Variants in JAK1 observed in about 807,000 individuals in gnomAD.
JAK1 encodes the protein Janus kinase 1.
Under a neutral mutation model 136.6 loss-of-function variants are expected in JAK1, and 16 were observed. That is an observed-to-expected ratio of 0.12 (90% confidence interval 0.08 to 0.18). The LOEUF is 0.18. Ranked by LOEUF, JAK1 falls within the 10% of genes least tolerant of loss-of-function variation. The pLI is 1.00. For missense variants in JAK1, 859 were observed against 1,450.1 expected (o/e 0.59, Z 6.62); for synonymous variants, 492 against 519.5 (o/e 0.95, Z 0.72).
At chr1:64,960,983 T>TCAA (rs1240280974) in intron 1 of JAK1, among the ~76,000 whole-genome samples, 1 of 152,218 alleles carries the variant, frequency 6.6e-6, no homozygotes, top group East Asian at 1.9e-4. Flanking sequence ...ATTGTTTCAC[T>TCAA]TTTGAGTTTT....
chr1:64,989,975 G>T (rs1436870137), intron 2 of JAK1: 2 of 151,906 alleles, frequency 1.3e-5, no homozygotes, highest in African/African-American at 4.9e-5. Flanking sequence ...TGTTTGTTTT[G>T]TTTTTTAGCT....
At chr1:64,875,728 C>T (rs866415801) in intron 4 of JAK1, among the ~76,000 whole-genome samples, 2 of 152,182 alleles carry the variant, frequency 1.3e-5, no homozygotes, top group Admixed American at 6.5e-5. Context: ...TGCAGAGCCA[C>T]GGGCAGCATG....
At chr1:64,889,735 A>G (rs911847431) in intron 1 of JAK1, among the ~76,000 whole-genome samples, 1 of 152,240 alleles carries the variant, frequency 6.6e-6, no homozygotes, top group African/African-American at 2.4e-5. Context: ...GAACTCTCTT[A>G]AATTTTCAAG....
intron 17 of JAK1, among the ~76,000 whole-genome samples, 163 bp from the exon 18 acceptor site, chr1:64,841,764 A>C (rs1025884763): frequency 7.2e-5 from 11 of 152,188 alleles, no homozygotes; most frequent in Non-Finnish European, 1.3e-4. Flanking sequence ...TTGCAAGGGG[A>C]AATCACAGTC....
chr1:64,844,050 A>G lies in JAK1; in HGVS notation c.2403+14T>C. On this transcript the variant is annotated intron_variant, in intron 17 of 24. Coordinates refer to ENST00000342505, the MANE Select transcript of JAK1 (RefSeq NM_002227.4). This position sits in a 1 kb window ranked among gnomAD's most constrained non-coding sequence, Gnocchi z 5.7. Reference sequence around the variant, plus strand: ...GCCCTCACTTGCCTCACGCCCCGGGAAACACCTGCTCACCTCAATCAGCGT... The same window carrying G: ...GCCCTCACTTGCCTCACGCCCCGGGGAACACCTGCTCACCTCAATCAGCGT... The G allele has an allele frequency of 1.2e-6, 2 of 1,613,516 alleles. No individual in the cohort carries two copies. The highest frequency in any genetic ancestry group is 1.7e-6 in the Non-Finnish European group (2 of 1,179,884).
At chr1:64,922,876 A>C (rs954450060) in intron 1 of JAK1, among the ~76,000 whole-genome samples, 2 of 152,294 alleles carry the variant, frequency 1.3e-5, no homozygotes, top group African/African-American at 2.4e-5. Context: ...GTGGTCCTGG[A>C]CACTTGAGCT....
At chr1:64,942,017 C>T (rs1028331412) in intron 1 of JAK1, 3 of 151,982 alleles carry the variant, frequency 2.0e-5, no homozygotes, top group African/African-American at 7.3e-5. Context: ...ATATAAAAAT[C>T]CAAAGAGAGA....
At chr1:64,877,853 G>C (rs1261261938) in intron 4 of JAK1, among the ~76,000 whole-genome samples, 2 of 152,146 alleles carry the variant, frequency 1.3e-5, no homozygotes, top group African/African-American at 2.4e-5. Context: ...ATAGCCAGAA[G>C]GCTCAGCTGG....
chr1:64,967,988 G>T (rs370109542), upstream of JAK1, among the ~76,000 whole-genome samples: 2 of 152,186 alleles, frequency 1.3e-5, no homozygotes, highest in African/African-American at 4.8e-5. Context: ...CCTTAAAGGG[G>T]TTTTGCTGAA....
At chr1:64,935,081 G>A (rs1569608334) in intron 1 of JAK1, among the ~76,000 whole-genome samples, 1 of 152,232 alleles carries the variant, frequency 6.6e-6, no homozygotes, top group Non-Finnish European at 1.5e-5. Context: ...CTTCTCCCTT[G>A]ATTCCATTCT....
chr1:64,958,899 T>TAGC (rs1260799283), intron 1 of JAK1, among the ~76,000 whole-genome samples: 3 of 152,232 alleles, frequency 2.0e-5, no homozygotes, highest in Non-Finnish European at 2.9e-5. Context: ...AAATGGTTCT[T>TAGC]AGCTATTTCT....
At chr1:65,019,874 C>A (rs1172478740) in intron 2 of JAK1, among the ~76,000 whole-genome samples, 1 of 151,168 alleles carries the variant, frequency 6.6e-6, no homozygotes, top group Non-Finnish European at 1.5e-5. Flanking sequence ...CGAGATCATG[C>A]CACTGCACTC....
chr1:64,927,537 G>C (rs1280974958), intron 1 of JAK1, among the ~76,000 whole-genome samples: 1 of 152,194 alleles, frequency 6.6e-6, no homozygotes, highest in African/African-American at 2.4e-5. Flanking sequence ...TGACTCCAAA[G>C]ATGGTGCTCT....
At chr1:64,931,814 T>C (rs919300568) in intron 1 of JAK1, among the ~76,000 whole-genome samples, 3 of 152,158 alleles carry the variant, frequency 2.0e-5, no homozygotes, top group Admixed American at 1.3e-4. Context: ...CTCAGAAATG[T>C]ATCCTAAGAA....
At chr1:64,860,931 T>C (rs1172187893) in intron 8 of JAK1, among the ~76,000 whole-genome samples, 1 of 61,998 alleles carries the variant, frequency 1.6e-5, no homozygotes, top group Non-Finnish European at 3.0e-5. Flanking sequence ...CCTGGGTCCG[T>C]GTGTGTGTGT....
intron 2 of JAK1, among the ~76,000 whole-genome samples, chr1:65,027,544 G>A (rs1480227298): frequency 1.3e-5 from 2 of 152,152 alleles, no homozygotes; most frequent in Non-Finnish European, 2.9e-5. Flanking sequence ...ATAAGTGAAA[G>A]CACTGGGTTG....
intron 1 of JAK1, among the ~76,000 whole-genome samples, chr1:64,912,539 T>C (rs1458039102): frequency 1.3e-5 from 2 of 152,180 alleles, no homozygotes; most frequent in African/African-American, 4.8e-5. Flanking sequence ...GTCACGATCA[T>C]AACACCAATA....
intron 2 of JAK1, among the ~76,000 whole-genome samples, chr1:65,002,973 G>C (rs930767515): frequency 1.3e-5 from 2 of 151,980 alleles, no homozygotes; most frequent in South Asian, 2.1e-4. Flanking sequence ...CGGGCTGTCC[G>C]GCCGCGCCGT....
In JAK1 at chr1:64,994,590, T is replaced by A. The variant is rs369155402; in HGVS notation, c.-78+49890A>T. Among the ~76,000 whole-genome samples the A allele has an allele frequency of 2.0e-4, 30 of 152,274 alleles. 5 individuals are homozygous for A. Among genetic ancestry groups the A allele is most frequent in the Admixed American group, 3.3e-4 (5 of 15,294 alleles). On this transcript the variant is annotated intron_variant, in intron 2 of 25. Transcript: ENST00000671954. ...TTTACAGTCAGTATTAATCTATTCTTGAGGGCGGAGCTCTCTTGACCCAAA... is the reference window on the plus strand; with the variant it reads ...TTTACAGTCAGTATTAATCTATTCTAGAGGGCGGAGCTCTCTTGACCCAAA...
Sources: allele counts gnomAD v4.1 joint callset (sites outside exome capture counted in the v4.1 genomes callset), GRCh38; gene constraint gnomAD v4.1.1; non-coding constraint Gnocchi (gnomAD v3.1); transcripts MANE v1.5; gene names NCBI Gene and HGNC (gene_info 2026-07-23, HGNC 2026-07-21).